The following IMMP1L variants were observed in gnomAD, a reference collection of about 807,000 sequenced individuals.
IMMP1L encodes mitochondrial inner membrane protease subunit 1.
A neutral mutation model predicts 21.8 loss-of-function variants in IMMP1L; 24 were observed. The ratio of observed to expected loss-of-function variants is 1.10; its 90% CI spans 0.80 to 1.55. The LOEUF is 1.55. Among genes scored for constraint, IMMP1L ranks in the 40% most tolerant of loss-of-function variants. IMMP1L has a pLI of 0.00. For synonymous variants in IMMP1L, 46 were observed against 62.8 expected (o/e 0.73, Z 1.26); for missense variants, 195 against 200.7 (o/e 0.97, Z 0.17).
intron 4 of IMMP1L, among the ~76,000 whole-genome samples, chr11:31,439,263 T>A (rs1170305110): frequency 6.6e-6 from 1 of 151,828 alleles, no homozygotes; most frequent in Non-Finnish European, 1.5e-5. Flanking sequence ...ACCTGTCCTA[T>A]GGGTTACTCA....
At chr11:31,459,302 G>C (rs1247430078) in intron 3 of IMMP1L, among the ~76,000 whole-genome samples, 2 of 152,102 alleles carry the variant, frequency 1.3e-5, no homozygotes, top group Non-Finnish European at 2.9e-5. Context: ...ATGTGAAATA[G>C]GTTATAGCAA....
At chr11:31,502,665 T>A (rs1955658407) in intron 1 of IMMP1L, among the ~76,000 whole-genome samples, 1 of 152,170 alleles carries the variant, frequency 6.6e-6, no homozygotes, top group Non-Finnish European at 1.5e-5. Context: ...AATTAGAACA[T>A]CACACATGCT....
intron 4 of IMMP1L, among the ~76,000 whole-genome samples, chr11:31,442,787 T>G (rs1217182375): frequency 2.0e-5 from 3 of 152,152 alleles, no homozygotes; most frequent in Non-Finnish European, 4.4e-5. Flanking sequence ...TTTCCTGTAA[T>G]GTACAAGAAA....
At chr11:31,463,950 T>C (rs1954242723) in intron 1 of IMMP1L, among the ~76,000 whole-genome samples, 1 of 152,034 alleles carries the variant, frequency 6.6e-6, no homozygotes, top group Non-Finnish European at 1.5e-5. Flanking sequence ...TAAAGAACCA[T>C]TTAAAGATTT....
chr11:31,459,076 G>A (rs1024711408), intron 3 of IMMP1L, among the ~76,000 whole-genome samples: 4 of 152,068 alleles, frequency 2.6e-5, no homozygotes, highest in African/African-American at 9.7e-5. Flanking sequence ...AAAGAAAAGG[G>A]AGCAACAACA....
chr11:31,453,124 C>G (rs752545681), intron 4 of IMMP1L: 11 of 1,287,762 alleles, frequency 8.5e-6, no homozygotes, highest in Non-Finnish European at 1.1e-5. Context: ...GATTTATAAG[C>G]GTTGCTTGCC....
chr11:31,444,923 G>C (rs1953465052), intron 4 of IMMP1L, among the ~76,000 whole-genome samples: 1 of 152,166 alleles, frequency 6.6e-6, no homozygotes, highest in African/African-American at 2.4e-5. Context: ...ATGGAGAAGA[G>C]GGTTGGGACT....
At chr11:31,478,896 T>C (rs1025777954) in intron 1 of IMMP1L, among the ~76,000 whole-genome samples, 1 of 152,126 alleles carries the variant, frequency 6.6e-6, no homozygotes, top group African/African-American at 2.4e-5. Context: ...TATATGTTTT[T>C]AAAATAGTTA....
At chr11:31,495,983 CT>C (rs1226260444) in intron 1 of IMMP1L, among the ~76,000 whole-genome samples, 2 of 151,952 alleles carry the variant, frequency 1.3e-5, no homozygotes, top group African/African-American at 4.8e-5. Context: ...AATATATAAA[CT>C]AGACTTTCTC....
intron 1 of IMMP1L, among the ~76,000 whole-genome samples, chr11:31,466,958 G>A (rs770936104): frequency 5.3e-5 from 8 of 152,018 alleles, no homozygotes; most frequent in South Asian, 2.1e-4. Flanking sequence ...TGATGACTAC[G>A]CTAATTACCC....
At chr11:31,455,929 T>A (rs1056666292) in intron 4 of IMMP1L, among the ~76,000 whole-genome samples, 7 of 152,220 alleles carry the variant, frequency 4.6e-5, no homozygotes, top group Middle Eastern at 6.8e-3. Context: ...ACCTCTAAGG[T>A]TTTTTCCCTT....
At chr11:31,481,080 C>T (rs1308815384) in intron 1 of IMMP1L, among the ~76,000 whole-genome samples, 2 of 152,108 alleles carry the variant, frequency 1.3e-5, no homozygotes, top group African/African-American at 4.8e-5. Context: ...CACCATGGCC[C>T]TCCCAGATGG....
intron 1 of IMMP1L, among the ~76,000 whole-genome samples, chr11:31,503,109 T>G (rs1213023512): frequency 6.6e-6 from 1 of 152,202 alleles, no homozygotes; most frequent in Non-Finnish European, 1.5e-5. Flanking sequence ...CCCAGCTTAC[T>G]CCTGCTTTCC....
At chr11:31,462,281 A>T (rs1187102090) in intron 2 of IMMP1L, among the ~76,000 whole-genome samples, 3 of 147,938 alleles carry the variant, frequency 2.0e-5, no homozygotes, top group Non-Finnish European at 4.4e-5. Flanking sequence ...ACTTGATTGC[A>T]CTCCAGCCCA....
At chr11:31,489,603 CTTA>C (rs1955191192) in intron 1 of IMMP1L, among the ~76,000 whole-genome samples, 1 of 81,234 alleles carries the variant, frequency 1.2e-5, no homozygotes, top group Non-Finnish European at 2.5e-5. Flanking sequence ...CCTTAGTCTT[CTTA>C]TCTTATCTCT....
intron 4 of IMMP1L, chr11:31,437,255 T>A: frequency 2.8e-6 from 1 of 360,158 alleles, no homozygotes; most frequent in Non-Finnish European, 5.6e-6. Flanking sequence ...AAACATGAAA[T>A]TCATTTATGT....
intron 4 of IMMP1L, 49 bp downstream of exon 4, chr11:31,456,211 T>G: frequency 7.4e-7 from 1 of 1,351,306 alleles, no homozygotes; most frequent in African/African-American, 1.4e-5. Flanking sequence ...ACTCAGTTAA[T>G]GTTAATCAAT....
intron 4 of IMMP1L, among the ~76,000 whole-genome samples, chr11:31,441,203 T>C (rs1425193292): frequency 6.6e-6 from 1 of 152,098 alleles, no homozygotes; most frequent in Non-Finnish European, 1.5e-5. Flanking sequence ...ATGTGTGTCT[T>C]AAAATACAAA....
chr11:31,491,282 G>A (rs1160677206), intron 1 of IMMP1L, among the ~76,000 whole-genome samples: 2 of 152,172 alleles, frequency 1.3e-5, no homozygotes, highest in Non-Finnish European at 2.9e-5. Context: ...TCAGAAGGAA[G>A]AGAAGAGGTA....
Sources: allele counts gnomAD v4.1 joint callset (sites outside exome capture counted in the v4.1 genomes callset), GRCh38; gene constraint gnomAD v4.1.1; transcripts MANE v1.5; gene names NCBI Gene and HGNC (gene_info 2026-07-23, HGNC 2026-07-21).